Variants in RIT2 observed in about 807,000 individuals in gnomAD.
RIT2 encodes GTP-binding protein Rit2.
RIT2 carries 24 observed loss-of-function variants against 23.7 expected under a neutral mutation model. The observed-to-expected ratio is 1.01, with a 90% CI of 0.73 to 1.43. RIT2 has a LOEUF of 1.43. RIT2 is among the 40% of genes most tolerant of loss of function. The pLI, the probability that RIT2 is intolerant of heterozygous loss-of-function variation, is 0.00. For synonymous variants in RIT2, 107 were observed against 91.1 expected, an observed-to-expected ratio of 1.17 and a Z score of -0.99; for missense variants, 236 against 266.9, an observed-to-expected ratio of 0.88 and a Z score of 0.81.
chr18:42,891,234 A>G (rs1184811135), intron 4 of RIT2, among the ~76,000 whole-genome samples: 1 of 152,124 alleles, frequency 6.6e-6, no homozygotes, highest in Non-Finnish European at 1.5e-5. Flanking sequence ...CTAAATAACT[A>G]CTGTTCTCAT....
At chr18:42,789,349 T>C (rs1477186659) in intron 4 of RIT2, among the ~76,000 whole-genome samples, 2 of 152,198 alleles carry the variant, frequency 1.3e-5, no homozygotes, top group Admixed American at 6.5e-5. Flanking sequence ...TATATCTATG[T>C]TGGATCACCA....
intron 1 of RIT2, among the ~76,000 whole-genome samples, chr18:43,108,714 G>C (rs1305481333): frequency 1.3e-5 from 2 of 152,134 alleles, no homozygotes; most frequent in Non-Finnish European, 2.9e-5. Flanking sequence ...ATCATTATTT[G>C]AGTGAGTAGA....
At chr18:42,903,648 A>C (rs1908537311) in intron 4 of RIT2, among the ~76,000 whole-genome samples, 2 of 152,076 alleles carry the variant, frequency 1.3e-5, no homozygotes, top group African/African-American at 4.8e-5. Flanking sequence ...TACCCAATCC[A>C]TCCCCACAAA....
chr18:42,943,571 T>C (rs1446725586), intron 3 of RIT2, among the ~76,000 whole-genome samples: 1 of 152,196 alleles, frequency 6.6e-6, no homozygotes, highest in Non-Finnish European at 1.5e-5. Flanking sequence ...TACATGTTTT[T>C]ATTAATCTTT....
chr18:42,837,966 G>A (rs1906663723), intron 4 of RIT2, among the ~76,000 whole-genome samples: 1 of 152,090 alleles, frequency 6.6e-6, no homozygotes, highest in Admixed American at 6.6e-5. Flanking sequence ...TTCCAGGAAG[G>A]AAAATACCTG....
At chr18:43,085,346 G>T (rs1263980048) in intron 1 of RIT2, among the ~76,000 whole-genome samples, 1 of 151,588 alleles carries the variant, frequency 6.6e-6, no homozygotes. Flanking sequence ...GGGTTTTTTT[G>T]TAGCAAGAGT....
chr18:42,966,438 A>T (rs1426418249), intron 3 of RIT2, among the ~76,000 whole-genome samples: 1 of 152,168 alleles, frequency 6.6e-6, no homozygotes, highest in Non-Finnish European at 1.5e-5. Context: ...AAGTATATGT[A>T]TATTTTCTAA....
intron 4 of RIT2, among the ~76,000 whole-genome samples, chr18:42,793,690 C>A (rs1914092193): frequency 6.6e-6 from 1 of 151,824 alleles, no homozygotes; most frequent in African/African-American, 2.4e-5. Flanking sequence ...ATAAAGAGAA[C>A]CCAAAGGGAA....
intron 1 of RIT2, among the ~76,000 whole-genome samples, chr18:43,094,892 A>AT (rs5824468): frequency 1.6e-4 from 24 of 149,286 alleles, no homozygotes; most frequent in South Asian, 6.3e-4. Context: ...ACACGAACTC[A>AT]TTTTTTTTTT....
intron 3 of RIT2, among the ~76,000 whole-genome samples, chr18:42,959,866 G>T (rs1262120281): frequency 6.6e-6 from 1 of 152,174 alleles, no homozygotes; most frequent in Non-Finnish European, 1.5e-5. Context: ...GATGACTAGG[G>T]AGATGAACAG....
chr18:42,995,771 G>A (rs905300220), intron 2 of RIT2, among the ~76,000 whole-genome samples: 5 of 152,170 alleles, frequency 3.3e-5, no homozygotes, highest in East Asian at 1.9e-4. Flanking sequence ...CTGTATGGAC[G>A]CTCCTTTTTA....
At chr18:42,917,003 A>T (rs1598713627) in intron 4 of RIT2, among the ~76,000 whole-genome samples, 1 of 152,120 alleles carries the variant, frequency 6.6e-6, no homozygotes, top group Admixed American at 6.6e-5. Context: ...AAATGGCTGG[A>T]AATGTATGCC....
At chr18:42,944,082 C>T (rs187592228) in intron 3 of RIT2, among the ~76,000 whole-genome samples, 2 of 152,250 alleles carry the variant, frequency 1.3e-5, no homozygotes, top group East Asian at 3.9e-4. Flanking sequence ...CGTCACGTCC[C>T]TTCCCTACTT....
chr18:43,089,264 A>T (rs767161509), intron 1 of RIT2, among the ~76,000 whole-genome samples: 4 of 152,104 alleles, frequency 2.6e-5, no homozygotes, highest in African/African-American at 9.7e-5. Flanking sequence ...TACAAAATCA[A>T]TGTGCGAAAA....
Position 42,981,144 on chromosome 18 carries a change from G to A in RIT2, c.161-6997C>T, listed in dbSNP as rs145971360. 4.0e-3 allele frequency among the ~76,000 whole-genome samples: 615 copies of A among 152,122 alleles called. 4 individuals are homozygous for A. Among genetic ancestry groups the A allele is most frequent in the African/African-American group, 0.013 (528 of 41,512 alleles). On this transcript the variant is annotated intron_variant, in intron 2 of 4. Coordinates refer to ENST00000326695, the MANE Select transcript of RIT2 (RefSeq NM_002930.4). ...CTGCCTCACTTAATTATTGCTTGGG[G>A]ATGAAGGGGAAGAGAAGAAAATAAT...
intron 2 of RIT2, among the ~76,000 whole-genome samples, chr18:42,998,089 A>G (rs140602460): frequency 1.3e-5 from 2 of 152,236 alleles, no homozygotes; most frequent in Admixed American, 6.6e-5. Flanking sequence ...TATTTGTCCT[A>G]TCTTCTAAAC....
At chr18:42,890,137 G>C (rs1004264605) in intron 4 of RIT2, among the ~76,000 whole-genome samples, 2 of 151,790 alleles carry the variant, frequency 1.3e-5, no homozygotes, top group African/African-American at 4.8e-5. Context: ...CATTTGACTT[G>C]AGTGGTCTTG....
chr18:42,822,229 C>T (rs16976972), intron 4 of RIT2, among the ~76,000 whole-genome samples: 6,318 of 152,126 alleles, frequency 0.042, 425 homozygotes, highest in African/African-American at 0.14. Context: ...AGAGAATAAG[C>T]AGTTCAGAAC....
chr18:42,782,624 C>T (rs1261770033), intron 4 of RIT2, among the ~76,000 whole-genome samples: 1 of 152,072 alleles, frequency 6.6e-6, no homozygotes. Flanking sequence ...TACAAAACAT[C>T]ATGCAGGCTA....
Sources: gnomAD v4.1 joint callset for allele counts (sites outside exome capture counted in the v4.1 genomes callset) on GRCh38, gnomAD v4.1.1 for gene constraint, MANE v1.5 for transcripts, NCBI Gene and HGNC (gene_info 2026-07-23, HGNC 2026-07-21) for gene names.